Variants in SLC23A2 observed in about 807,000 individuals in gnomAD.
SLC23A2 encodes the protein Na(+)/L-ascorbic acid transporter 2.
In SLC23A2, 36 loss-of-function variants were observed where a neutral mutation model predicts 73.3. The observed-to-expected ratio is 0.49, with a 90% CI of 0.38 to 0.65. The LOEUF (loss-of-function observed/expected upper bound fraction) is 0.65, where lower values mean the gene tolerates loss of function less well. Ranked by LOEUF, SLC23A2 falls within the 30% of genes least tolerant of loss-of-function variation. The pLI, the probability that SLC23A2 is intolerant of heterozygous loss-of-function variation, is 0.00. For missense variants in SLC23A2, 507 were observed against 841.6 expected, an observed-to-expected ratio of 0.60 and a Z score of 4.92; for synonymous variants, 343 against 327.3, an observed-to-expected ratio of 1.05 and a Z score of -0.52.
intron 2 of SLC23A2, among the ~76,000 whole-genome samples, chr20:4,939,068 C>T (rs73893866): frequency 6.6e-6 from 1 of 152,074 alleles, no homozygotes; most frequent in African/African-American, 2.4e-5. Flanking sequence ...ATAGCAAGAC[C>T]CCATCTGTAC....
intron 2 of SLC23A2, among the ~76,000 whole-genome samples, chr20:4,954,634 G>A: frequency 6.7e-6 from 1 of 148,488 alleles, no homozygotes; most frequent in African/African-American, 2.5e-5. Context: ...GGAGGTGGAG[G>A]TTGCAGTTGA....
chr20:4,917,468 T>A (rs1932364031), intron 3 of SLC23A2, among the ~76,000 whole-genome samples: 1 of 152,034 alleles, frequency 6.6e-6, no homozygotes, highest in Non-Finnish European at 1.5e-5. Flanking sequence ...GCTGGGTTTC[T>A]CAGCTGGGAA....
intron 4 of SLC23A2, among the ~76,000 whole-genome samples, chr20:4,907,241 T>C (rs1823770161): frequency 6.6e-6 from 1 of 152,136 alleles, no homozygotes; most frequent in African/African-American, 2.4e-5. Context: ...ACACGATTCC[T>C]TTCTAGAGAA....
chr20:4,940,205 G>T (rs890861107), intron 2 of SLC23A2, among the ~76,000 whole-genome samples: 5 of 152,134 alleles, frequency 3.3e-5, no homozygotes, highest in African/African-American at 1.2e-4. Flanking sequence ...TGTGGTCTCA[G>T]CAACTCGGGA....
intron 1 of SLC23A2, among the ~76,000 whole-genome samples, chr20:4,976,521 C>T (rs1266678332): frequency 2.0e-5 from 3 of 151,818 alleles, no homozygotes; most frequent in South Asian, 2.1e-4. Context: ...ACTAAAAATA[C>T]AAAAATTAGC....
Position 4,998,500 on chromosome 20 carries a change from A to C in SLC23A2, c.-282+2906T>G, listed in dbSNP as rs2122363717. 6.6e-6 allele frequency among the ~76,000 whole-genome samples: 1 copy of C among 152,266 alleles called. No individual in the cohort carries two copies. The highest frequency in any genetic ancestry group is 1.9e-4 in the East Asian group (1 of 5,182). ...GCACAAAGGGCTCGTTTCAACCTAG[A>C]GGCTGCAATGCACAGCTTAACCTGG... On this transcript the variant is annotated intron_variant, in intron 1 of 16. Coordinates refer to ENST00000338244, the MANE Select transcript of SLC23A2 (RefSeq NM_005116.6). This position sits in a 1 kb window ranked among gnomAD's most constrained non-coding sequence, Gnocchi z 4.1.
At chr20:4,952,190 A>C (rs1219599117) in intron 2 of SLC23A2, among the ~76,000 whole-genome samples, 1 of 151,544 alleles carries the variant, frequency 6.6e-6, no homozygotes, top group East Asian at 1.9e-4. Context: ...AACTATTCTG[A>C]GATTAAGAAA....
chr20:4,996,711 AAC>A (rs1406597133), intron 1 of SLC23A2, among the ~76,000 whole-genome samples: 16 of 68,138 alleles, frequency 2.3e-4, no homozygotes, highest in African/African-American at 5.6e-4. Context: ...AAAAAAAAAC[AAC>A]AACTCATGAG....
Position 4,858,226 on chromosome 20 carries a change from T to C in SLC23A2, c.1721-1022A>G, listed in dbSNP as rs112682894. ...TTCTGCGGGGATGAACATCCACCGG[T>C]TGGACACTCCTGGCCACTCTGCACC... On this transcript the variant is annotated intron_variant, in intron 16 of 16. Transcript: ENST00000338244. Among the ~76,000 whole-genome samples the C allele has an allele frequency of 2.8e-3, 428 of 152,276 alleles. 1 individual carries two copies. Among genetic ancestry groups the C allele is most frequent in the Middle Eastern group, 0.024 (7 of 294 alleles).
chr20:4,883,800 G>T lies in SLC23A2; in HGVS notation c.666C>A (p.Ser222=). 6.2e-7 allele frequency: 1 copy of T among 1,611,382 alleles called. No homozygotes were observed. Among genetic ancestry groups the T allele is most frequent in the Non-Finnish European group, 8.5e-7 (1 of 1,178,784 alleles). ...GGCCGATGACTACTTCTATCAGTGA[G>T]GACATGATGATGGCCCCCTGGATCT... The part of the protein sequence containing the change: ...IREIQGAIIM[S]SLIEVVIGLL... Residue 222 remains serine (S), a synonymous_variant, in exon 9 of 17, where the codon TCC becomes TCA. Coordinates refer to ENST00000338244, the MANE Select transcript of SLC23A2 (RefSeq NM_005116.6). This position sits in a 1 kb window ranked among gnomAD's most constrained non-coding sequence, Gnocchi z 4.5.
chr20:4,883,616 G>A lies in SLC23A2; in HGVS notation c.824+26C>T. The A allele has an allele frequency of 6.5e-7, 1 of 1,544,518 alleles. No homozygotes were observed. The highest frequency in any genetic ancestry group is 8.8e-7 in the Non-Finnish European group (1 of 1,130,032). ...TCCTAAAGGCTGCCCCGCAGTGGTG[G>A]GATGAGGGGAGATGTTTCCACTTAC... On this transcript the variant is annotated intron_variant, in intron 9 of 16. Coordinates refer to ENST00000338244, the MANE Select transcript of SLC23A2 (RefSeq NM_005116.6). The surrounding 1 kb of genome is among the most constrained non-coding windows in gnomAD (Gnocchi z 4.5).
chr20:4,899,744 A>T lies in SLC23A2; in HGVS notation c.325-32T>A. On this transcript the variant is annotated intron_variant, in intron 5 of 16. Coordinates refer to ENST00000338244, the MANE Select transcript of SLC23A2 (RefSeq NM_005116.6). This position sits in a 1 kb window ranked among gnomAD's most constrained non-coding sequence, Gnocchi z 4.9. The stretch of plus-strand genomic sequence containing the variant: ...GCAGGAAAAGGGTCAGAGGAGAAAC[A>T]GTAAACCCTTCCTCATTTATTCTTG... 1 of 1,601,748 alleles carries T rather than the reference A, an allele frequency of 6.2e-7. No homozygotes were observed. Among genetic ancestry groups the T allele is most frequent in the Non-Finnish European group, 8.5e-7 (1 of 1,170,032 alleles).
intron 9 of SLC23A2, among the ~76,000 whole-genome samples, chr20:4,882,423 T>C (rs1374909681): frequency 2.6e-5 from 4 of 151,966 alleles, no homozygotes; most frequent in Non-Finnish European, 5.9e-5. Context: ...TTCATGCTCA[T>C]GTGTGAGATG....
At chr20:4,983,044 G>A (rs529603153) in intron 1 of SLC23A2, among the ~76,000 whole-genome samples, 2 of 152,100 alleles carry the variant, frequency 1.3e-5, no homozygotes, top group African/African-American at 4.8e-5. Flanking sequence ...GGCAGAGGTT[G>A]TAGTGAGTCA....
At chr20:4,900,687 C>G (rs1385048045) in intron 5 of SLC23A2, among the ~76,000 whole-genome samples, 1 of 152,166 alleles carries the variant, frequency 6.6e-6, no homozygotes, top group Non-Finnish European at 1.5e-5. Context: ...TAAGGGCGTA[C>G]AGTAGCCATG....
intron 7 of SLC23A2, 104 bp from the exon 8 acceptor site, chr20:4,884,927 T>C (rs1204877055): frequency 3.1e-6 from 2 of 652,420 alleles, no homozygotes; most frequent in East Asian, 5.8e-5. Flanking sequence ...TTATTACATC[T>C]GTTTCAATCC....
intron 6 of SLC23A2, among the ~76,000 whole-genome samples, chr20:4,892,592 T>C (rs190770846): frequency 6.6e-6 from 1 of 152,352 alleles, no homozygotes; most frequent in East Asian, 1.9e-4. Flanking sequence ...ATTATGTGCC[T>C]GCTTGACATG....
At chr20:4,994,291 C>T (rs2087980725) in intron 1 of SLC23A2, among the ~76,000 whole-genome samples, 1 of 152,148 alleles carries the variant, frequency 6.6e-6, no homozygotes, top group African/African-American at 2.4e-5. Flanking sequence ...CACCTGAGAA[C>T]TTGTGAGAAA....
At chr20:4,880,344 T>C (rs1053837760) in intron 9 of SLC23A2, among the ~76,000 whole-genome samples, 1 of 152,162 alleles carries the variant, frequency 6.6e-6, no homozygotes, top group Non-Finnish European at 1.5e-5. Flanking sequence ...CTTGTGGTCA[T>C]GGGTTTACCG....
Sources: allele counts gnomAD v4.1 joint callset (sites outside exome capture counted in the v4.1 genomes callset), GRCh38; gene constraint gnomAD v4.1.1; non-coding constraint Gnocchi (gnomAD v3.1); transcripts MANE v1.5; gene names NCBI Gene and HGNC (gene_info 2026-07-23, HGNC 2026-07-21).